Variants in IQCM observed in about 807,000 individuals in gnomAD.
IQCM encodes the protein IQ motif containing M, also known as IQ domain-containing protein M.
In IQCM, 45 loss-of-function variants were observed where a neutral mutation model predicts 57.6. That is an observed-to-expected ratio of 0.78 (90% confidence interval 0.62 to 1.00). The LOEUF is 1.00. Ranked by LOEUF, IQCM falls within the 50% of genes least tolerant of loss-of-function variation. IQCM has a pLI of 0.00. For missense variants in IQCM, 468 were observed against 511.6 expected (o/e 0.91, Z 0.82); for synonymous variants, 148 against 158.9 (o/e 0.93, Z 0.51).
In IQCM at chr4:149,496,227, C is replaced by T. The variant is rs1425815191; in HGVS notation, c.1228+52228G>A. Among the ~76,000 whole-genome samples the T allele has an allele frequency of 2.0e-5, 3 of 152,052 alleles. No homozygotes were observed. In the South Asian group the frequency reaches 6.2e-4, roughly 32 times the overall value. ...ATTTTTAGCCCAACCCAATATAATTCTCATTTATACTTAATATGAGCCAGG... is the reference window on the plus strand; with the variant it reads ...ATTTTTAGCCCAACCCAATATAATTTTCATTTATACTTAATATGAGCCAGG... On this transcript the variant is annotated intron_variant, in intron 12 of 13. Transcript: ENST00000636793.
At chr4:149,399,374 G>A (rs865916146) in intron 13 of IQCM, among the ~76,000 whole-genome samples, 14 of 151,852 alleles carry the variant, frequency 9.2e-5, no homozygotes, top group African/African-American at 3.1e-4. Flanking sequence ...TTAATTAGAC[G>A]AAGTGGAAGA....
At chr4:149,474,220 A>T (rs1233408328) in intron 12 of IQCM, among the ~76,000 whole-genome samples, 2 of 151,952 alleles carry the variant, frequency 1.3e-5, no homozygotes, top group East Asian at 3.9e-4. Context: ...AAGGAAAAGG[A>T]ATAGGGCATA....
intron 12 of IQCM, among the ~76,000 whole-genome samples, chr4:149,447,201 T>C (rs1736608862): frequency 6.6e-6 from 1 of 151,544 alleles, no homozygotes; most frequent in South Asian, 2.1e-4. Flanking sequence ...ATTTCTTTCA[T>C]AGAAATTGAA....
chr4:149,729,570 G>A lies in IQCM; in HGVS notation c.385+3674C>T, dbSNP rs1580143807. ...GCTCACTGCAACCTCCGCTTCCCAG[G>A]TTCAAGCGATTCTCCTGCCTCAGCC... On this transcript the variant is annotated intron_variant, in intron 5 of 13. Transcript: ENST00000636793. Among the ~76,000 whole-genome samples, 3 of 152,090 alleles carry A rather than the reference G, an allele frequency of 2.0e-5. No individual in the cohort carries two copies. In the South Asian group the frequency reaches 6.2e-4, roughly 32 times the overall value.
chr4:149,638,265 C>T (rs373520110), intron 7 of IQCM, among the ~76,000 whole-genome samples: 19 of 152,128 alleles, frequency 1.2e-4, no homozygotes, highest in East Asian at 1.2e-3. Flanking sequence ...ATGAGATTGA[C>T]AACATAAAAT....
intron 13 of IQCM, among the ~76,000 whole-genome samples, chr4:149,384,341 C>A (rs1731270490): frequency 6.6e-6 from 1 of 152,114 alleles, no homozygotes; most frequent in Non-Finnish European, 1.5e-5. Flanking sequence ...AGGAAGAATT[C>A]TCTGTCCTCC....
In IQCM at chr4:149,442,741, C is replaced by T. The variant is rs1009545118; in HGVS notation, c.1229-9184G>A. Among the ~76,000 whole-genome samples, 8 of 152,002 alleles carry T rather than the reference C, an allele frequency of 5.3e-5. 2 individuals are homozygous for T. Among genetic ancestry groups the T allele is most frequent in the Admixed American group, 6.6e-5 (1 of 15,218 alleles). The stretch of plus-strand genomic sequence containing the variant: ...CATGCTCCTCACTTCTTTCTGAGTC[C>T]TTATGAGCAGAATCTTTGACATCCA... On this transcript the variant is annotated intron_variant, in intron 12 of 13. Coordinates refer to ENST00000636793, the MANE Select transcript of IQCM (RefSeq NM_001363507.2).
intron 2 of IQCM, among the ~76,000 whole-genome samples, chr4:149,812,938 TG>T (rs2150071147): frequency 6.6e-6 from 1 of 152,312 alleles, no homozygotes. Flanking sequence ...AACTTAATCC[TG>T]GTTATCAGTC....
chr4:149,474,382 G>A (rs1322159709), intron 12 of IQCM, among the ~76,000 whole-genome samples: 2 of 151,942 alleles, frequency 1.3e-5, no homozygotes, highest in East Asian at 3.9e-4. Flanking sequence ...GTGGACTCCA[G>A]CCTGGCAATA....
intron 7 of IQCM, among the ~76,000 whole-genome samples, chr4:149,662,092 C>A (rs913158102): frequency 6.6e-6 from 1 of 151,884 alleles, no homozygotes; most frequent in East Asian, 1.9e-4. Flanking sequence ...ATAAATAACT[C>A]TGATATAACT....
intron 13 of IQCM, among the ~76,000 whole-genome samples, chr4:149,370,574 T>C (rs1040984621): frequency 4.4e-5 from 6 of 136,182 alleles, no homozygotes; most frequent in African/African-American, 1.6e-4. Context: ...ATACACACAC[T>C]ATACACACAC....
intron 13 of IQCM, among the ~76,000 whole-genome samples, chr4:149,419,601 A>G (rs1444422690): frequency 6.6e-6 from 1 of 152,094 alleles, no homozygotes; most frequent in Non-Finnish European, 1.5e-5. Context: ...TCATGATGAA[A>G]TCACCAAAAG....
At chr4:149,399,516 C>T (rs991497905) in intron 13 of IQCM, among the ~76,000 whole-genome samples, 2 of 151,916 alleles carry the variant, frequency 1.3e-5, no homozygotes, top group Admixed American at 1.3e-4. Context: ...AGCTCTGCCT[C>T]AAATAGCAAC....
chr4:149,695,759 C>T (rs2149803818), intron 5 of IQCM, among the ~76,000 whole-genome samples: 1 of 152,180 alleles, frequency 6.6e-6, no homozygotes, highest in East Asian at 1.9e-4. Context: ...GGATAGAATT[C>T]ATACCTGAAG....
At chr4:149,502,001 G>T (rs1050827327) in intron 12 of IQCM, among the ~76,000 whole-genome samples, 5 of 152,164 alleles carry the variant, frequency 3.3e-5, no homozygotes, top group Non-Finnish European at 7.4e-5. Context: ...GCTCCCTCTC[G>T]ATTCACCTTA....
At chr4:149,734,627 T>C (rs1028784826) in intron 4 of IQCM, among the ~76,000 whole-genome samples, 1 of 152,126 alleles carries the variant, frequency 6.6e-6, no homozygotes, top group Admixed American at 6.6e-5. Context: ...AGCAGGGGAC[T>C]AGGATCATTT....
intron 3 of IQCM, among the ~76,000 whole-genome samples, chr4:149,740,517 T>C (rs1160363533): frequency 6.6e-6 from 1 of 152,128 alleles, no homozygotes; most frequent in East Asian, 1.9e-4. Flanking sequence ...CACTAATGTA[T>C]GAATTTCCCT....
chr4:149,653,968 A>AAC (rs2150139321), intron 7 of IQCM, among the ~76,000 whole-genome samples: 1 of 152,264 alleles, frequency 6.6e-6, no homozygotes, highest in Non-Finnish European at 1.5e-5. Context: ...TAAATCATCT[A>AAC]ATATATAACT....
chr4:149,501,755 A>G lies in IQCM; in HGVS notation c.1228+46700T>C, dbSNP rs558844777. Among the ~76,000 whole-genome samples, 70 of 152,304 alleles carry G rather than the reference A, an allele frequency of 4.6e-4. No individual in the cohort carries two copies. In the Middle Eastern group the frequency reaches 0.014, roughly 30 times the overall value. ...GAGAATAAACACTGGAGTCATGAAC[A>G]GTGCATGGCCCACTTAGACTCTTGT... On this transcript the variant is annotated intron_variant, in intron 12 of 13. Transcript: ENST00000636793.
Sources: allele counts gnomAD v4.1 joint callset (sites outside exome capture counted in the v4.1 genomes callset), GRCh38; gene constraint gnomAD v4.1.1; transcripts MANE v1.5; gene names NCBI Gene and HGNC (gene_info 2026-07-23, HGNC 2026-07-21).